Variants in CEACAM6 observed in about 807,000 individuals in gnomAD.
CEACAM6 encodes the protein cell adhesion molecule CEACAM6.
In CEACAM6, 21 loss-of-function variants were observed where a neutral mutation model predicts 32.4. The observed-to-expected ratio is 0.65, with a 90% CI of 0.46 to 0.93. The LOEUF (loss-of-function observed/expected upper bound fraction) is 0.93, where lower values mean the gene tolerates loss of function less well. CEACAM6 is among the 40% of genes least tolerant of loss of function. CEACAM6 has a pLI of 0.00. For missense variants in CEACAM6, 406 were observed against 432.2 expected (o/e 0.94, Z 0.54); for synonymous variants, 184 against 174.4 (o/e 1.06, Z -0.43).
intron 5 of CEACAM6, among the ~76,000 whole-genome samples, chr19:41,766,933 G>A (rs2072959736): frequency 6.7e-6 from 1 of 149,792 alleles, no homozygotes; most frequent in Admixed American, 6.7e-5. Flanking sequence ...GTGAACCTGG[G>A]AGGTGGAGCT....
intron 5 of CEACAM6, among the ~76,000 whole-genome samples, chr19:41,768,992 C>G (rs974046922): frequency 6.6e-6 from 1 of 152,114 alleles, no homozygotes; most frequent in Non-Finnish European, 1.5e-5. Flanking sequence ...GTTGCCCAGG[C>G]TGAAGTGCAA....
intron 5 of CEACAM6, among the ~76,000 whole-genome samples, chr19:41,770,414 T>G (rs1395215171): frequency 6.6e-6 from 1 of 151,420 alleles, no homozygotes; most frequent in African/African-American, 2.5e-5. Context: ...ATACTATTCA[T>G]GTGCGTACAT....
intron 5 of CEACAM6, among the ~76,000 whole-genome samples, chr19:41,769,612 C>G (rs781888158): frequency 2.0e-5 from 3 of 151,674 alleles, no homozygotes; most frequent in Non-Finnish European, 4.4e-5. Flanking sequence ...ATTTTGCGAA[C>G]AAAAATTGAA....
intron 2 of CEACAM6, among the ~76,000 whole-genome samples, chr19:41,759,132 G>A (rs1487229865): frequency 1.3e-5 from 2 of 152,208 alleles, no homozygotes; most frequent in Non-Finnish European, 2.9e-5. Flanking sequence ...ACATCCTCCA[G>A]TCATTCCCCA....
intron 2 of CEACAM6, chr19:41,758,024 T>C (rs2072900054): frequency 6.6e-6 from 1 of 152,230 alleles, no homozygotes; most frequent in Admixed American, 6.5e-5. Context: ...CTGAGGCCAG[T>C]CATGGGTTCA....
chr19:41,762,469 G>A (rs1555822033), intron 4 of CEACAM6, among the ~76,000 whole-genome samples: 1 of 151,726 alleles, frequency 6.6e-6, no homozygotes, highest in African/African-American at 2.4e-5. Context: ...GAGAGGAGGG[G>A]GCTCCCTCAG....
At position 41,756,720 on chromosome 19, in the gene CEACAM6, G is replaced by T. The variant is rs145319104; in HGVS notation, c.185G>T (p.Arg62Leu). Reference protein sequence around the residue: ...LLLAHNLPQNRIGYSWYKGER... With the variant: ...LLLAHNLPQNLIGYSWYKGER... ...CTCGCCCACAACCTGCCCCAGAATC[G>T]TATTGGTTACAGCTGGTACAAAGGC... The change falls in exon 2 of 6, where the codon CGT becomes CTT. Residue 62 changes from arginine to leucine, a missense_variant. Physicochemically the swap from Arg to Leu is moderately radical, Grantham distance 102 (BLOSUM62 -2). Transcript: ENST00000199764. The T allele has an allele frequency of 3.1e-6, 5 of 1,613,936 alleles. No individual in the cohort carries two copies. The African/African-American group carries it at 4.0e-5, about 13-fold the overall frequency.
chr19:41,758,262 G>A (rs1233216865), intron 2 of CEACAM6, among the ~76,000 whole-genome samples: 1 of 152,166 alleles, frequency 6.6e-6, no homozygotes, highest in African/African-American at 2.4e-5. Flanking sequence ...GAGGATAAAG[G>A]AGAGGACTTT....
intron 5 of CEACAM6, among the ~76,000 whole-genome samples, chr19:41,768,514 C>T (rs918338573): frequency 4.6e-5 from 7 of 152,244 alleles, no homozygotes; most frequent in East Asian, 3.8e-4. Flanking sequence ...TACACAGACA[C>T]GGCAACCATC....
rs370711866 is a variant in CEACAM6 at position 41,766,954 on chromosome 19, C to T, written c.*40+655C>T. Among the ~76,000 whole-genome samples the T allele has an allele frequency of 1.6e-4, 23 of 141,302 alleles. No homozygotes were observed. The East Asian group carries it at 2.5e-3, about 15-fold the overall frequency. 92.7% of individuals were successfully genotyped at this position (141,302 alleles called of 152,430 possible). ...CTGGGAGGTGGAGCTTGCAGTGAGC[C>T]GAGATCGTGCCACTGCACTCCAGCC... On this transcript the variant is annotated intron_variant, in intron 5 of 5. Transcript: ENST00000199764.
intron 2 of CEACAM6, among the ~76,000 whole-genome samples, chr19:41,758,327 G>A (rs782319220): frequency 5.9e-5 from 9 of 152,092 alleles, no homozygotes; most frequent in Non-Finnish European, 7.4e-5. Flanking sequence ...TGAGACACAC[G>A]CTCGCTCAGG....
At chr19:41,766,064 A>G (rs2061513129) in intron 4 of CEACAM6, 119 bp from the exon 5 acceptor site, 1 of 590,792 alleles carries the variant, frequency 1.7e-6, no homozygotes, top group Non-Finnish European at 2.8e-6. Context: ...CAACTTTCCC[A>G]CAAAACTAGT....
intron 4 of CEACAM6, among the ~76,000 whole-genome samples, chr19:41,763,883 T>C (rs537440651): frequency 2.0e-5 from 3 of 152,336 alleles, no homozygotes; most frequent in African/African-American, 7.2e-5. Flanking sequence ...CAGAGATAAT[T>C]TTACTTCTTT....
At position 41,771,701 on chromosome 19, in the gene CEACAM6, T is replaced by G. The variant is rs1325938615; in HGVS notation, c.*940T>G. 3 of 152,196 alleles carry G rather than the reference T, an allele frequency of 2.0e-5. No individual in the cohort carries two copies. Among genetic ancestry groups the G allele is most frequent in the Non-Finnish European group, 2.9e-5 (2 of 68,024 alleles). The allele number at this position is 152,196 out of a possible 1,614,324, so 9.4% of individuals were successfully genotyped here. Reference sequence around the variant, plus strand: ...CTGCATGCAGCCAGCCATCAAATAGTGAATGGTCTCTCTTTGGCTGGAATT... The same window carrying G: ...CTGCATGCAGCCAGCCATCAAATAGGGAATGGTCTCTCTTTGGCTGGAATT... On this transcript the variant is annotated 3_prime_UTR_variant, in exon 6 of 6. Coordinates refer to ENST00000199764, the MANE Select transcript of CEACAM6 (RefSeq NM_002483.7).
intron 4 of CEACAM6, among the ~76,000 whole-genome samples, chr19:41,764,682 C>T (rs911775753): frequency 2.0e-5 from 3 of 152,136 alleles, no homozygotes; most frequent in Non-Finnish European, 4.4e-5. Context: ...TTTTGAAGAA[C>T]CAACTTTTGG....
intron 5 of CEACAM6, among the ~76,000 whole-genome samples, chr19:41,767,220 G>A (rs1302467144): frequency 6.6e-6 from 1 of 152,058 alleles, no homozygotes; most frequent in Non-Finnish European, 1.5e-5. Flanking sequence ...CCTAAAAACA[G>A]GGTGATCTCC....
chr19:41,770,373 C>T (rs782231323), intron 5 of CEACAM6, among the ~76,000 whole-genome samples: 13 of 151,628 alleles, frequency 8.6e-5, no homozygotes, highest in Non-Finnish European at 1.3e-4. Flanking sequence ...CAGTGAGCTG[C>T]GCTCCAGCCT....
At chr19:41,763,438 C>T (rs1408704518) in intron 4 of CEACAM6, among the ~76,000 whole-genome samples, 1 of 152,192 alleles carries the variant, frequency 6.6e-6, no homozygotes, top group Non-Finnish European at 1.5e-5. Context: ...CTGAAAGAAA[C>T]AGCACCTGCA....
At chr19:41,755,924 A>G (rs2072882172) in intron 1 of CEACAM6, among the ~76,000 whole-genome samples, 1 of 152,208 alleles carries the variant, frequency 6.6e-6, no homozygotes, top group Non-Finnish European at 1.5e-5. Context: ...CAAGTTAATC[A>G]TCATTTGTCA....
Sources: allele counts gnomAD v4.1 joint callset (sites outside exome capture counted in the v4.1 genomes callset), GRCh38; gene constraint gnomAD v4.1.1; transcripts MANE v1.5; gene names NCBI Gene and HGNC (gene_info 2026-07-23, HGNC 2026-07-21).